The following GEMIN2 variants were observed in gnomAD, a reference collection of about 807,000 sequenced individuals.
GEMIN2 encodes gem nuclear organelle associated protein 2.
In GEMIN2, 37 loss-of-function variants were observed where a neutral mutation model predicts 45.8. The observed-to-expected ratio is 0.81, with a 90% CI of 0.62 to 1.06. The LOEUF (loss-of-function observed/expected upper bound fraction) is 1.06, where lower values mean the gene tolerates loss of function less well. Among genes scored for constraint, GEMIN2 ranks in the 50% least tolerant of loss-of-function variants. GEMIN2 has a pLI of 0.00. For missense variants in GEMIN2, 335 were observed against 321.8 expected, an observed-to-expected ratio of 1.04 and a Z score of -0.31; for synonymous variants, 101 against 111.5, an observed-to-expected ratio of 0.91 and a Z score of 0.60.
At chr14:39,118,780 ATT>A (rs373341724) in intron 4 of GEMIN2, among the ~76,000 whole-genome samples, 181 bp downstream of exon 4, 85 of 138,646 alleles carry the variant, frequency 6.1e-4, no homozygotes, top group Admixed American at 7.4e-4. Context: ...TTCATGACAA[ATT>A]TTTTTTTTTT....
intron 4 of GEMIN2, among the ~76,000 whole-genome samples, chr14:39,119,814 T>C (rs1232736681): frequency 1.3e-5 from 2 of 152,218 alleles, no homozygotes; most frequent in Non-Finnish European, 2.9e-5. Context: ...CACTTGCCAA[T>C]GGTCATTTAA....
chr14:39,116,181 G>A (rs1240124998), intron 2 of GEMIN2, among the ~76,000 whole-genome samples: 4 of 151,738 alleles, frequency 2.6e-5, no homozygotes, highest in African/African-American at 4.8e-5. Flanking sequence ...GATTACAGGC[G>A]TGTGCCACCA....
Position 39,128,067 on chromosome 14 carries a change from C to CAAAAAAAAAAAAAAAAAAAAA in GEMIN2, c.532-207_532-187dup, listed in dbSNP as rs1212260025. Among the ~76,000 whole-genome samples, 3 of 10,552 alleles carry CAAAAAAAAAAAAAAAAAAAAA rather than the reference C, an allele frequency of 2.8e-4. 1 individual carries two copies. Among genetic ancestry groups the CAAAAAAAAAAAAAAAAAAAAA allele is most frequent in the Non-Finnish European group, 3.2e-4 (1 of 3,086 alleles). 6.9% of individuals were successfully genotyped at this position (10,552 alleles called of 152,430 possible). A position where few individuals can be genotyped will look rare whatever the true frequency, so the allele number is the denominator to read the frequency against. On this transcript the variant is annotated intron_variant, in intron 6 of 9. Transcript: ENST00000308317. ...TGGGCAACAGAGTGAGACTCTATCT[C>CAAAAAAAAAAAAAAAAAAAAA]AAAAAAAAAAAAAAAAAAAAAAAAA...
chr14:39,119,540 T>C (rs1164604147), intron 4 of GEMIN2, among the ~76,000 whole-genome samples: 1 of 151,248 alleles, frequency 6.6e-6, no homozygotes, highest in Non-Finnish European at 1.5e-5. Flanking sequence ...TAATGAAAGC[T>C]ATTTATCTTC....
chr14:39,119,839 A>G (rs917803312), intron 4 of GEMIN2, among the ~76,000 whole-genome samples: 5 of 152,222 alleles, frequency 3.3e-5, no homozygotes, highest in African/African-American at 1.2e-4. Context: ...TAAAAGGTAT[A>G]GCTAGTCCTT....
In GEMIN2 at chr14:39,117,247, G is replaced by A. The variant is rs145380290; in HGVS notation, c.223-752G>A. ...AGATGGCCATTGCACTCCAGCCTGAGCAACAGGAGCGAAACTCCGTCTCAA... is the reference window on the plus strand; with the variant it reads ...AGATGGCCATTGCACTCCAGCCTGAACAACAGGAGCGAAACTCCGTCTCAA... On this transcript the variant is annotated intron_variant, in intron 2 of 9. Coordinates refer to ENST00000308317, the MANE Select transcript of GEMIN2 (RefSeq NM_003616.3). Among the ~76,000 whole-genome samples, 4 of 141,158 alleles carry A rather than the reference G, an allele frequency of 2.8e-5. 1 individual carries two copies. The highest frequency in any genetic ancestry group is 1.0e-4 in the African/African-American group (4 of 38,398). 92.6% of individuals were successfully genotyped at this position (141,158 alleles called of 152,430 possible).
intron 4 of GEMIN2, among the ~76,000 whole-genome samples, chr14:39,120,583 G>T (rs559240899): frequency 6.6e-6 from 1 of 151,854 alleles, no homozygotes; most frequent in Non-Finnish European, 1.5e-5. Context: ...GTTTAACTTT[G>T]TAGTGGTCTC....
In GEMIN2 at chr14:39,114,415, C is replaced by T. The variant is rs921179723; in HGVS notation, c.77C>T (p.Thr26Met). ...TTGCCGGTAGAGCCTTGCGACTTGA[C>T]GGAAGGTTTCGATCCCTCGGTACCC... ...RLLPVEPCDL[T>M]EGFDPSVPPR... Residue 26 changes from threonine (T) to methionine (M), a missense_variant, in exon 1 of 10, where the codon ACG becomes ATG. Physicochemically the swap from Thr to Met is moderately conservative, Grantham distance 81 (BLOSUM62 -1). Transcript: ENST00000308317. 3 of 1,613,814 alleles carry T rather than the reference C, an allele frequency of 1.9e-6. No individual in the cohort carries two copies. The highest frequency in any genetic ancestry group is 1.1e-5 in the South Asian group (1 of 91,064).
chr14:39,132,253 G>A (rs567906576), intron 8 of GEMIN2, among the ~76,000 whole-genome samples, 185 bp downstream of exon 8: 9 of 152,198 alleles, frequency 5.9e-5, no homozygotes, highest in South Asian at 2.1e-4. Flanking sequence ...AGTCTGAGCC[G>A]GGCGTGGTGG....
chr14:39,117,571 TAACTG>T (rs1326888740), intron 2 of GEMIN2, among the ~76,000 whole-genome samples: 1 of 152,226 alleles, frequency 6.6e-6, no homozygotes, highest in Non-Finnish European at 1.5e-5. Flanking sequence ...AAATTATTGT[TAACTG>T]TAGTCACTCT....
chr14:39,132,691 T>TTA (rs2052733446), intron 8 of GEMIN2, among the ~76,000 whole-genome samples: 1 of 140,518 alleles, frequency 7.1e-6, no homozygotes, highest in Non-Finnish European at 1.5e-5. Context: ...TTTTTTCTTT[T>TTA]ATTGTGAGAT....
intron 9 of GEMIN2, 24 bp from the exon 10 acceptor site, chr14:39,136,416 A>G: frequency 3.2e-6 from 4 of 1,242,386 alleles, no homozygotes; most frequent in South Asian, 1.2e-5. Context: ...TTTATACATA[A>G]ATTTTTTGTT....
intron 4 of GEMIN2, among the ~76,000 whole-genome samples, chr14:39,119,971 G>A (rs1417662241): frequency 1.3e-5 from 2 of 152,170 alleles, no homozygotes; most frequent in African/African-American, 2.4e-5. Flanking sequence ...TAGTACCAAG[G>A]ATGTATGTAT....
intron 6 of GEMIN2, among the ~76,000 whole-genome samples, chr14:39,127,378 T>C (rs1258718518): frequency 1.5e-5 from 2 of 133,172 alleles, no homozygotes; most frequent in African/African-American, 5.6e-5. Context: ...AGTCTCACTC[T>C]GTTGCCCAGG....
rs374135589 is a variant in GEMIN2, at chr14:39,122,521, G to C, written c.464G>C (p.Ser155Thr). The part of the protein sequence containing the change: ...DGAVGPATNE[S>T]PGIDYVQIGF... ...GCTGTTGGACCAGCCACAAATGAAA[G>C]TCCTGGAATAGATTATGTACAAGTA... The change falls in exon 5 of 10, where the codon AGT becomes ACT. Residue 155 changes from serine (S) to threonine (T), a missense_variant. Ser to Thr is a moderately conservative substitution (Grantham distance 58). Coordinates refer to ENST00000308317, the MANE Select transcript of GEMIN2 (RefSeq NM_003616.3). 10 of 1,582,902 alleles carry C rather than the reference G, an allele frequency of 6.3e-6. No individual in the cohort carries two copies. Among genetic ancestry groups the C allele is most frequent in the East Asian group, 2.2e-5 (1 of 44,724 alleles).
chr14:39,133,803 G>A (rs1398969836), intron 9 of GEMIN2, 84 bp downstream of exon 9: 28 of 821,110 alleles, frequency 3.4e-5, no homozygotes, highest in Non-Finnish European at 4.5e-5. Flanking sequence ...GTTTTTGTTT[G>A]GTTGGTTTTT....
intron 5 of GEMIN2, among the ~76,000 whole-genome samples, chr14:39,124,018 G>A (rs2052610172): frequency 6.6e-6 from 1 of 151,638 alleles, no homozygotes; most frequent in Non-Finnish European, 1.5e-5. Context: ...TGGGATTATA[G>A]GCATGAGCTA....
intron 2 of GEMIN2, 92 bp downstream of exon 2, chr14:39,115,005 C>T (rs1370627734): frequency 4.2e-6 from 3 of 709,228 alleles, no homozygotes; most frequent in Non-Finnish European, 2.6e-6. Flanking sequence ...TCAATTATGA[C>T]GTAAGATTTG....
In GEMIN2 at chr14:39,125,010, CT is replaced by C; in HGVS notation, c.507del (p.Ser170ValfsTer6). The C allele has an allele frequency of 6.8e-7, 1 of 1,476,794 alleles. No homozygotes were observed. Among genetic ancestry groups the C allele is most frequent in the Non-Finnish European group, 9.5e-7 (1 of 1,057,460 alleles). The allele number at this position is 1,476,794 out of a possible 1,614,324, so 91.5% of individuals were successfully genotyped here. Reference protein sequence around the residue: ...DYVQIGFPPLLSIVSRMNQAT... With the variant: ...DYVQIGFPPLXSIVSRMNQAT... The stretch of plus-strand genomic sequence containing the variant: ...CTTTCAGATTGGTTTTCCTCCCTTG[CT>C]TAGTATTGTTAGCAGAATGAATCAG... On this transcript the variant is annotated frameshift_variant, in exon 6 of 10. Transcript: ENST00000308317. LOFTEE classifies it high-confidence loss of function.
Sources: allele counts gnomAD v4.1 joint callset (sites outside exome capture counted in the v4.1 genomes callset), GRCh38; gene constraint gnomAD v4.1.1; transcripts MANE v1.5; gene names NCBI Gene and HGNC (gene_info 2026-07-23, HGNC 2026-07-21).